The following ZFHX4 variants were observed in gnomAD, a reference collection of about 807,000 sequenced individuals.
The protein encoded by ZFHX4 is zinc finger homeobox 4.
A neutral mutation model predicts 267.6 loss-of-function variants in ZFHX4; 56 were observed. The ratio of observed to expected loss-of-function variants is 0.21; its 90% CI spans 0.17 to 0.26. ZFHX4 has a LOEUF of 0.26. ZFHX4 is among the 10% of genes least tolerant of loss of function. ZFHX4 has a pLI of 1.00. For synonymous variants in ZFHX4, 1,778 were observed against 1,665.6 expected (o/e 1.07, Z -1.64); for missense variants, 4,332 against 4,420.0 (o/e 0.98, Z 0.56).
At chr8:76,708,378 C>A in intron 3 of ZFHX4, 1 of 243,098 alleles carries the variant, frequency 4.1e-6, no homozygotes, top group Non-Finnish European at 7.9e-6. Flanking sequence ...TTTTTTGAAC[C>A]TAGCACCACT....
chr8:76,728,709 G>A (rs1808920391), intron 3 of ZFHX4, among the ~76,000 whole-genome samples: 1 of 152,160 alleles, frequency 6.6e-6, no homozygotes, highest in Non-Finnish European at 1.5e-5. Flanking sequence ...CAAAGTCACA[G>A]GTTTGAAATA....
intron 3 of ZFHX4, among the ~76,000 whole-genome samples, chr8:76,719,688 A>C (rs1808669169): frequency 6.6e-6 from 1 of 152,200 alleles, no homozygotes; most frequent in Non-Finnish European, 1.5e-5. Flanking sequence ...GATATAATAG[A>C]TACCACAAGA....
At chr8:76,693,067 C>T (rs1807863647) in intron 1 of ZFHX4, among the ~76,000 whole-genome samples, 1 of 152,094 alleles carries the variant, frequency 6.6e-6, no homozygotes, top group Non-Finnish European at 1.5e-5. Context: ...TAAGTGTCTC[C>T]TCAAATAAAA....
At chr8:76,825,866 C>G (rs1354843744) in intron 4 of ZFHX4, among the ~76,000 whole-genome samples, 1 of 152,146 alleles carries the variant, frequency 6.6e-6, no homozygotes, top group Non-Finnish European at 1.5e-5. Flanking sequence ...CATCACAGGT[C>G]TTTGAGATGA....
At chr8:76,778,147 C>T in intron 3 of ZFHX4, 61 bp from the exon 4 acceptor site, 1 of 1,125,866 alleles carries the variant, frequency 8.9e-7, no homozygotes, top group Admixed American at 1.7e-5. Context: ...TGGGTGTCAC[C>T]TGTTTTGTTA....
intron 3 of ZFHX4, among the ~76,000 whole-genome samples, chr8:76,713,683 G>A (rs1024999211): frequency 6.6e-6 from 1 of 152,080 alleles, no homozygotes; most frequent in Non-Finnish European, 1.5e-5. Flanking sequence ...TTTAATTAAG[G>A]GGAATGAAGC....
chr8:76,695,321 G>A (rs913248577), intron 1 of ZFHX4, among the ~76,000 whole-genome samples: 16 of 152,152 alleles, frequency 1.1e-4, no homozygotes, highest in African/African-American at 2.7e-4. Context: ...CACTAAATAC[G>A]CATATATGGC....
chr8:76,744,721 A>G (rs1280261506), intron 3 of ZFHX4, among the ~76,000 whole-genome samples: 2 of 152,132 alleles, frequency 1.3e-5, no homozygotes, highest in African/African-American at 2.4e-5. Flanking sequence ...CCAATATGCT[A>G]TACTTTCTGT....
In ZFHX4 at chr8:76,761,799, T is replaced by A. The variant is rs1001001141; in HGVS notation, c.3094-16409T>A. Among the ~76,000 whole-genome samples the A allele has an allele frequency of 3.3e-5, 5 of 152,192 alleles. No individual in the cohort carries two copies. In the South Asian group the frequency reaches 1.0e-3, roughly 32 times the overall value. Reference sequence around the variant, plus strand: ...GGTTTAGAAGCAAATGTCTCCACTTTGACTGCTTTCTGGCCTGATGTTTAG... The same window carrying A: ...GGTTTAGAAGCAAATGTCTCCACTTAGACTGCTTTCTGGCCTGATGTTTAG... On this transcript the variant is annotated intron_variant, in intron 3 of 10. Transcript: ENST00000651372.
At chr8:76,829,497 C>T (rs1018230220) in intron 4 of ZFHX4, among the ~76,000 whole-genome samples, 4 of 151,986 alleles carry the variant, frequency 2.6e-5, no homozygotes, top group Non-Finnish European at 5.9e-5. Flanking sequence ...GCTGTGAGAA[C>T]TTTCATTCTT....
At chr8:76,723,220 G>A (rs549114471) in intron 3 of ZFHX4, among the ~76,000 whole-genome samples, 173 of 152,030 alleles carry the variant, frequency 1.1e-3, no homozygotes, top group African/African-American at 4.0e-3. Context: ...TCTGTATCTG[G>A]CATTACTTTC....
intron 3 of ZFHX4, among the ~76,000 whole-genome samples, chr8:76,709,276 C>T (rs1808360364): frequency 6.6e-6 from 1 of 152,082 alleles, no homozygotes; most frequent in Admixed American, 6.6e-5. Flanking sequence ...TTGTAGCACT[C>T]TTCCTGTGAT....
chr8:76,685,404 A>G (rs1358096086), intron 1 of ZFHX4, among the ~76,000 whole-genome samples: 1 of 152,190 alleles, frequency 6.6e-6, no homozygotes. Context: ...GGCTTGTCGT[A>G]GTCTTGTTTC....
chr8:76,783,959 G>A (rs1001247322), intron 4 of ZFHX4, among the ~76,000 whole-genome samples: 1 of 151,878 alleles, frequency 6.6e-6, no homozygotes, highest in African/African-American at 2.4e-5. Flanking sequence ...ATTTCTTCTT[G>A]TCTGTGAAAA....
At position 76,704,285 on chromosome 8, in the gene ZFHX4, T is replaced by C; in HGVS notation, c.197T>C (p.Val66Ala). ...RKSEALLGFSVENAAATQVTS... is the reference protein window; with the variant it reads ...RKSEALLGFSAENAAATQVTS... ...AGTGAAGCCTTGCTGGGTTTCAGCG[T>C]TGAGAATGCAGCTGCCACTCAGGTT... Residue 66 changes from valine to alanine, a missense_variant, in exon 2 of 11, where the codon GTT (valine) becomes GCT (alanine). Transcript: ENST00000651372. 1.9e-6 allele frequency: 3 copies of C among 1,613,934 alleles called. No individual in the cohort carries two copies. Among genetic ancestry groups the C allele is most frequent in the Non-Finnish European group, 2.5e-6 (3 of 1,179,874 alleles).
chr8:76,839,927 T>C (rs904118766), intron 5 of ZFHX4, among the ~76,000 whole-genome samples: 2 of 152,204 alleles, frequency 1.3e-5, no homozygotes, highest in Non-Finnish European at 2.9e-5. Flanking sequence ...GACTCTAAAG[T>C]CTATTTATAC....
In ZFHX4 at chr8:76,864,220, A is replaced by G; in HGVS notation, c.10506A>G (p.Thr3502=). The G allele has an allele frequency of 7.4e-6, 12 of 1,613,880 alleles. No individual in the cohort carries two copies. The highest frequency in any genetic ancestry group is 1.0e-5 in the Non-Finnish European group (12 of 1,179,846). Residue 3502 remains threonine (T), a synonymous_variant, in exon 11 of 11, where the codon ACA becomes ACG. Coordinates refer to ENST00000651372, the MANE Select transcript of ZFHX4 (RefSeq NM_024721.5). ...TCTGCTCCCCTAATCCTAACACCAC[A>G]TCTACCTCGCAGTCTGCAGCTTCTT... ...HSVCSPNPNT[T]STSQSAASSN...
Position 76,851,122 on chromosome 8 carries a change from C to A in ZFHX4, c.4201C>A (p.His1401Asn). The change falls in exon 10 of 11, where the codon CAT (histidine) becomes AAT (asparagine). Residue 1401 changes from histidine to asparagine, a missense_variant. This residue lies in a region of ZFHX4 where 1,371 missense variants were observed against 1,423.1 expected (regional missense o/e 0.96). Coordinates refer to ENST00000651372, the MANE Select transcript of ZFHX4 (RefSeq NM_024721.5). ...TCATGTCTACAAGTATCGCTGTAACCATTGTAGCTTGGCTTTCAAAACTAT... is the reference window on the plus strand; with the variant it reads ...TCATGTCTACAAGTATCGCTGTAACAATTGTAGCTTGGCTTTCAAAACTAT... ...DRHVYKYRCN[H>N]CSLAFKTMQK... 6.2e-7 allele frequency: 1 copy of A among 1,613,876 alleles called. No homozygotes were observed. Among genetic ancestry groups the A allele is most frequent in the East Asian group, 2.2e-5 (1 of 44,876 alleles).
At chr8:76,695,201 A>G (rs1183950907) in intron 1 of ZFHX4, among the ~76,000 whole-genome samples, 1 of 152,188 alleles carries the variant, frequency 6.6e-6, no homozygotes, top group Non-Finnish European at 1.5e-5. Flanking sequence ...ATGGAAAAGA[A>G]TGAGGTCATT....
Sources: allele counts gnomAD v4.1 joint callset (sites outside exome capture counted in the v4.1 genomes callset), GRCh38; gene constraint gnomAD v4.1.1; regional missense constraint gnomAD v4.1.1; transcripts MANE v1.5; gene names NCBI Gene and HGNC (gene_info 2026-07-23, HGNC 2026-07-21).